Variants in RRBP1 observed in about 807,000 individuals in gnomAD.
RRBP1 encodes ribosome binding protein 1, also known as ribosome-binding protein 1.
Under a neutral mutation model 165.2 loss-of-function variants are expected in RRBP1, and 94 were observed. The observed-to-expected ratio is 0.57, with a 90% CI of 0.48 to 0.68. The LOEUF (loss-of-function observed/expected upper bound fraction) is 0.68, where lower values mean the gene tolerates loss of function less well. Ranked by LOEUF, RRBP1 falls within the 30% of genes least tolerant of loss-of-function variation. The probability of loss-of-function intolerance (pLI) is 0.00; values close to 1 mark genes in which losing one functional copy is unlikely to be tolerated. For missense variants in RRBP1, 1,676 were observed against 1,763.0 expected, an observed-to-expected ratio of 0.95 and a Z score of 0.88; for synonymous variants, 680 against 714.5, an observed-to-expected ratio of 0.95 and a Z score of 0.77.
intron 9 of RRBP1, among the ~76,000 whole-genome samples, chr20:17,629,519 C>T (rs1269567934): frequency 6.6e-6 from 1 of 152,042 alleles, no homozygotes; most frequent in Non-Finnish European, 1.5e-5. Context: ...CCCCCATATG[C>T]CCTGCTCCCA....
At chr20:17,614,366 C>T in intron 24 of RRBP1, 146 bp from the exon 25 acceptor site, 2 of 747,296 alleles carry the variant, frequency 2.7e-6, no homozygotes, top group South Asian at 3.3e-5. Flanking sequence ...CCACAGACCC[C>T]TGGGGCTGGG....
intron 2 of RRBP1, among the ~76,000 whole-genome samples, chr20:17,663,854 C>T (rs989092472): frequency 6.6e-6 from 1 of 152,186 alleles, no homozygotes; most frequent in African/African-American, 2.4e-5. Context: ...GATGTGTGCC[C>T]ACCCATACCT....
chr20:17,618,079 T>C (rs2035835733), intron 20 of RRBP1, among the ~76,000 whole-genome samples: 1 of 152,196 alleles, frequency 6.6e-6, no homozygotes, highest in South Asian at 2.1e-4. Context: ...ACCCGGCAGC[T>C]GGTATGGGGC....
rs188361002 is a variant in RRBP1 at position 17,656,197 on chromosome 20, C to T, written c.1912+2399G>A. On this transcript the variant is annotated intron_variant, in intron 3 of 24. Transcript: ENST00000377813. ...TAGAAAGTCCAAGAAAGAACTTTCCCCATGTTTTCTAGACTGCCGACACTG... is the reference window on the plus strand; with the variant it reads ...TAGAAAGTCCAAGAAAGAACTTTCCTCATGTTTTCTAGACTGCCGACACTG... Among the ~76,000 whole-genome samples, 3 of 152,290 alleles carry T rather than the reference C, an allele frequency of 2.0e-5. No homozygotes were observed. The East Asian group carries it at 5.8e-4, about 29-fold the overall frequency.
At chr20:17,632,532 T>G (rs74719122) in intron 8 of RRBP1, among the ~76,000 whole-genome samples, 95 of 152,352 alleles carry the variant, frequency 6.2e-4, no homozygotes, top group African/African-American at 2.2e-3. Context: ...ATGTTCTCTT[T>G]TAGTCCTTGC....
Position 17,620,490 on chromosome 20 carries a change from G to A in RRBP1, c.3508-120C>T, listed in dbSNP as rs563695494. 233 of 957,762 alleles carry A rather than the reference G, an allele frequency of 2.4e-4. No individual in the cohort carries two copies. In the African/African-American group the frequency reaches 3.2e-3, roughly 13 times the overall value. 59.3% of individuals were successfully genotyped at this position (957,762 alleles called of 1,614,324 possible). On this transcript the variant is annotated intron_variant, in intron 17 of 24. Coordinates refer to ENST00000377813, the MANE Select transcript of RRBP1 (RefSeq NM_001365613.2). Reference sequence around the variant, plus strand: ...AGGAAGCCCCGGGGGTGCCCACTCCGCCCAGCTGGGACGGTCACCCTGGCG... The same window carrying A: ...AGGAAGCCCCGGGGGTGCCCACTCCACCCAGCTGGGACGGTCACCCTGGCG...
At chr20:17,667,517 G>A (rs541817192) in intron 2 of RRBP1, among the ~76,000 whole-genome samples, 137 of 152,070 alleles carry the variant, frequency 9.0e-4, no homozygotes, top group Admixed American at 7.0e-3. Context: ...GTACTGCTAC[G>A]GCTTCATCCT....
chr20:17,674,599 T>TA (rs1001093444), intron 2 of RRBP1, among the ~76,000 whole-genome samples: 23 of 150,908 alleles, frequency 1.5e-4, no homozygotes, highest in African/African-American at 3.4e-4. Flanking sequence ...CCGTCTCTAC[T>TA]AAAAAAAATA....
chr20:17,650,211 G>A (rs1326644317), intron 3 of RRBP1, among the ~76,000 whole-genome samples: 1 of 152,108 alleles, frequency 6.6e-6, no homozygotes, highest in African/African-American at 2.4e-5. Context: ...AGGGTGAAAG[G>A]AAGATACTAA....
intron 2 of RRBP1, among the ~76,000 whole-genome samples, chr20:17,679,347 G>A (rs1038817647): frequency 3.3e-5 from 5 of 152,208 alleles, no homozygotes; most frequent in Admixed American, 6.5e-5. Context: ...GATGTTATAG[G>A]CCAGGCCTTA....
intron 20 of RRBP1, among the ~76,000 whole-genome samples, chr20:17,617,440 G>A (rs891963476): frequency 6.6e-6 from 1 of 152,194 alleles, no homozygotes; most frequent in African/African-American, 2.4e-5. Context: ...GAACATGGGC[G>A]GTCTCTGACC....
intron 5 of RRBP1, among the ~76,000 whole-genome samples, chr20:17,639,340 CTT>C (rs991902904): frequency 6.6e-6 from 1 of 152,228 alleles, no homozygotes; most frequent in African/African-American, 2.4e-5. Context: ...TCCAAATTTT[CTT>C]TCTCAGTGTG....
At chr20:17,626,121 C>T (rs2036013994) in intron 11 of RRBP1, among the ~76,000 whole-genome samples, 1 of 152,098 alleles carries the variant, frequency 6.6e-6, no homozygotes, top group African/African-American at 2.4e-5. Flanking sequence ...GCAGGATGGC[C>T]CAGCCTACAC....
chr20:17,639,451 G>A (rs1266883646), intron 5 of RRBP1, among the ~76,000 whole-genome samples: 1 of 152,172 alleles, frequency 6.6e-6, no homozygotes, highest in Non-Finnish European at 1.5e-5. Context: ...AAAACATGTC[G>A]AAGGGACTAG....
At chr20:17,660,558 A>C in intron 2 of RRBP1, 30 bp from the exon 3 acceptor site, 1 of 1,389,516 alleles carries the variant, frequency 7.2e-7, no homozygotes. Flanking sequence ...GTTACTATTT[A>C]TAGAAATCAA....
At chr20:17,620,269 GAGAA>G (rs771388117) in intron 18 of RRBP1, 26 bp downstream of exon 18, 52 of 1,560,510 alleles carry the variant, frequency 3.3e-5, no homozygotes, top group Non-Finnish European at 4.6e-5. Context: ...CCCGGGACAA[GAGAA>G]AGAGTTCTCT....
At position 17,620,338 on chromosome 20, in the gene RRBP1, A is replaced by G; in HGVS notation, c.3540T>C (p.Ile1180=). 3.1e-6 allele frequency: 5 copies of G among 1,613,880 alleles called. No homozygotes were observed. Among genetic ancestry groups the G allele is most frequent in the Non-Finnish European group, 3.4e-6 (4 of 1,179,938 alleles). The change falls in exon 18 of 25, where the codon ATT becomes ATC. Residue 1180 remains isoleucine (I), a synonymous_variant. Transcript: ENST00000377813. ...SRVTVKHLEE[I]VEKLKGELES... is the part of the protein sequence containing the mutation. ...CAAGTTCTCCTTTTAGCTTCTCTAC[A>G]ATCTCTTCGAGATGCTTCACTGTGA...
chr20:17,676,619 G>A lies in RRBP1; in HGVS notation c.-22+3380C>T, dbSNP rs537286355. 8.5e-5 allele frequency among the ~76,000 whole-genome samples: 13 copies of A among 152,320 alleles called. No homozygotes were observed. The East Asian group carries it at 2.5e-3, about 29-fold the overall frequency. ...AAGCACATAACATATATTGGGGTAG[G>A]ATGCTGGGCACTGAGAGCACAGGCC... On this transcript the variant is annotated intron_variant, in intron 2 of 24. Transcript: ENST00000377813.
intron 2 of RRBP1, among the ~76,000 whole-genome samples, chr20:17,678,866 C>G (rs2037128191): frequency 6.6e-6 from 1 of 152,202 alleles, no homozygotes; most frequent in Non-Finnish European, 1.5e-5. Flanking sequence ...TGAAGGCCCA[C>G]CACACAGGAG....
Sources: allele counts gnomAD v4.1 joint callset (sites outside exome capture counted in the v4.1 genomes callset), GRCh38; gene constraint gnomAD v4.1.1; transcripts MANE v1.5; gene names NCBI Gene and HGNC (gene_info 2026-07-23, HGNC 2026-07-21).